HDAC4: variants seen among roughly 807,000 people sequenced by gnomAD.
HDAC4 encodes the protein histone deacetylase 4, also known as histone deacetylase A.
In HDAC4, 16 loss-of-function variants were observed where a neutral mutation model predicts 135.1. The observed-to-expected ratio is 0.12, with a 90% CI of 0.08 to 0.18. The LOEUF is 0.18. Ranked by LOEUF, HDAC4 falls within the 10% of genes least tolerant of loss-of-function variation. The pLI, the probability that HDAC4 is intolerant of heterozygous loss-of-function variation, is 1.00. For synonymous variants in HDAC4, 685 were observed against 653.4 expected (o/e 1.05, Z -0.74); for missense variants, 1,143 against 1,511.8 (o/e 0.76, Z 4.05).
rs183131751 is a variant in HDAC4, at chr2:239,397,308, G to A, written c.-220+3670C>T. On this transcript the variant is annotated intron_variant, in intron 1 of 26. Coordinates refer to ENST00000543185, the MANE Select transcript of HDAC4 (RefSeq NM_001378414.1). The stretch of plus-strand genomic sequence containing the variant: ...GTTCCTCCAGAGGTAGAGCCCACCT[G>A]CAGGACTGTGCTGACACCTACATGG... Among the ~76,000 whole-genome samples the A allele has an allele frequency of 3.3e-5, 5 of 152,288 alleles. No homozygotes were observed. The East Asian group carries it at 9.7e-4, about 29-fold the overall frequency.
chr2:239,210,333 C>CA (rs776362845), intron 3 of HDAC4, among the ~76,000 whole-genome samples: 51 of 151,776 alleles, frequency 3.4e-4, no homozygotes, highest in African/African-American at 1.1e-3. Flanking sequence ...AAAACAAAAA[C>CA]AAAAATAAAC....
chr2:239,252,987 C>A (rs1426252254), intron 2 of HDAC4, among the ~76,000 whole-genome samples: 1 of 152,236 alleles, frequency 6.6e-6, no homozygotes, highest in Admixed American at 6.5e-5. Context: ...GCCCGCACTG[C>A]ACACTTCCTA....
chr2:239,262,919 G>C lies in HDAC4; in HGVS notation c.23-26255C>G, dbSNP rs867911176. Among the ~76,000 whole-genome samples the C allele has an allele frequency of 1.1e-4, 16 of 152,228 alleles. No homozygotes were observed. In the Middle Eastern group the frequency reaches 0.014, roughly 129 times the overall value. The stretch of plus-strand genomic sequence containing the variant: ...CTCACTGGAAGGTCACGGCACCACT[G>C]AGACAGCCTGGAAGCTTCTGTGCTT... On this transcript the variant is annotated intron_variant, in intron 2 of 26. Transcript: ENST00000543185. This position sits in a 1 kb window ranked among gnomAD's most constrained non-coding sequence, Gnocchi z 4.1.
intron 3 of HDAC4, chr2:239,190,885 G>C (rs1235180520): frequency 1.6e-5 from 7 of 444,424 alleles, no homozygotes; most frequent in South Asian, 3.2e-5. Context: ...AGAAGGGTAG[G>C]TTTAAATTAC....
chr2:239,132,056 C>T (rs1212317416), intron 11 of HDAC4, among the ~76,000 whole-genome samples: 31 of 152,082 alleles, frequency 2.0e-4, no homozygotes, highest in Non-Finnish European at 5.9e-5. Flanking sequence ...GGGGAGGGCC[C>T]CTGAGACACT....
At chr2:239,276,068 G>A (rs2050342749) in intron 2 of HDAC4, among the ~76,000 whole-genome samples, 1 of 152,178 alleles carries the variant, frequency 6.6e-6, no homozygotes, top group Non-Finnish European at 1.5e-5. Flanking sequence ...CTGGGGCCAG[G>A]CAAAGAACCA....
intron 16 of HDAC4, among the ~76,000 whole-genome samples, chr2:239,098,353 TC>T (rs2037307026): frequency 6.6e-6 from 1 of 152,230 alleles, no homozygotes; most frequent in Admixed American, 6.5e-5. Flanking sequence ...AGACAGGCGT[TC>T]TGTGCCTGGG....
intron 24 of HDAC4, among the ~76,000 whole-genome samples, chr2:239,064,730 TG>T (rs1238047836): frequency 1.3e-5 from 2 of 152,138 alleles, no homozygotes; most frequent in Non-Finnish European, 2.9e-5. Context: ...CTGTGACCAG[TG>T]GGGTTCCTCT....
At chr2:239,381,084 C>T (rs117136455) in intron 1 of HDAC4, among the ~76,000 whole-genome samples, 2 of 152,170 alleles carry the variant, frequency 1.3e-5, no homozygotes, top group South Asian at 4.1e-4. Context: ...GAGCTGTCAC[C>T]TGAACACGTG....
chr2:239,385,919 C>T (rs996609018), intron 1 of HDAC4, among the ~76,000 whole-genome samples: 11 of 152,162 alleles, frequency 7.2e-5, no homozygotes, highest in Non-Finnish European at 1.5e-4. Flanking sequence ...AAACAAGCCC[C>T]GGAGGCAAGG....
intron 2 of HDAC4, among the ~76,000 whole-genome samples, chr2:239,326,486 C>T (rs185450383): frequency 5.3e-5 from 8 of 152,194 alleles, no homozygotes; most frequent in East Asian, 1.9e-4. Context: ...CTGAACTGTG[C>T]GCTTCAAAAT....
chr2:239,141,098 T>C lies in HDAC4; in HGVS notation c.866-1302A>G, dbSNP rs779651568. ...TTTCCCAGAAGAGGAGATGGAGGCA[T>C]GGAGCAGCAACATCACTCGTCCCAG... On this transcript the variant is annotated intron_variant, in intron 8 of 26. Coordinates refer to ENST00000543185, the MANE Select transcript of HDAC4 (RefSeq NM_001378414.1). This position sits in a 1 kb window ranked among gnomAD's most constrained non-coding sequence, Gnocchi z 4.9. 7.1e-6 allele frequency: 2 copies of C among 280,432 alleles called. No homozygotes were observed. Among genetic ancestry groups the C allele is most frequent in the South Asian group, 6.0e-5 (2 of 33,114 alleles). 17.4% of individuals were successfully genotyped at this position (280,432 alleles called of 1,614,324 possible).
intron 12 of HDAC4, among the ~76,000 whole-genome samples, chr2:239,121,839 T>TTCTCTC (rs149473881): frequency 6.6e-6 from 1 of 151,740 alleles, no homozygotes; most frequent in African/African-American, 2.4e-5. Flanking sequence ...CAAAGCCTGC[T>TTCTCTC]TCTCTCTCTC....
intron 2 of HDAC4, among the ~76,000 whole-genome samples, chr2:239,247,265 C>A (rs1301499935): frequency 6.6e-6 from 1 of 152,216 alleles, no homozygotes; most frequent in Admixed American, 6.5e-5. Flanking sequence ...TAAACTAACA[C>A]CTTTTCACTC....
intron 2 of HDAC4, among the ~76,000 whole-genome samples, chr2:239,288,728 A>G (rs1230627310): frequency 1.3e-5 from 2 of 152,222 alleles, no homozygotes; most frequent in African/African-American, 4.8e-5. Flanking sequence ...AGAATAAAGA[A>G]TAAATCTAAC....
Position 239,313,743 on chromosome 2 carries a change from C to T in HDAC4, c.22+38935G>A, listed in dbSNP as rs182934057. On this transcript the variant is annotated intron_variant, in intron 2 of 26. Coordinates refer to ENST00000543185, the MANE Select transcript of HDAC4 (RefSeq NM_001378414.1). The surrounding 1 kb of genome is among the most constrained non-coding windows in gnomAD (Gnocchi z 5.1). ...CCTTCACGCCTGGCAATATGGCACA[C>T]GCACTTTTAGAGACGTCTAATTATA... 1.8e-3 allele frequency among the ~76,000 whole-genome samples: 271 copies of T among 152,274 alleles called. 3 individuals carry two copies. The highest frequency in any genetic ancestry group is 3.4e-3 in the Middle Eastern group (1 of 294).
At chr2:239,087,525 TC>T (rs773654579) in intron 19 of HDAC4, 33 bp downstream of exon 19, 1 of 1,604,778 alleles carries the variant, frequency 6.2e-7, no homozygotes, top group Non-Finnish European at 8.5e-7. Flanking sequence ...AGACCTGGGT[TC>T]CCCTGCTGTG....
chr2:239,099,585 C>T (rs552623891), intron 16 of HDAC4, among the ~76,000 whole-genome samples: 69 of 152,314 alleles, frequency 4.5e-4, no homozygotes, highest in Non-Finnish European at 7.6e-4. Context: ...CTCAGTGCCT[C>T]GATGCATGGC....
Position 239,147,843 on chromosome 2 carries a change from G to A in HDAC4, c.734-3129C>T, listed in dbSNP as rs1365810381. Among the ~76,000 whole-genome samples the A allele has an allele frequency of 3.3e-5, 5 of 152,230 alleles. No individual in the cohort carries two copies. The East Asian group carries it at 9.6e-4, about 29-fold the overall frequency. On this transcript the variant is annotated intron_variant, in intron 7 of 26. Transcript: ENST00000543185. The stretch of plus-strand genomic sequence containing the variant: ...TCCAATCACAACCTTAAAATTCAAC[G>A]CAGTGCCCAATGCCTAGCAGGTGCC...
Sources: gnomAD v4.1 joint callset for allele counts (sites outside exome capture counted in the v4.1 genomes callset) on GRCh38, gnomAD v4.1.1 for gene constraint, Gnocchi (gnomAD v3.1) non-coding constraint, MANE v1.5 for transcripts, NCBI Gene and HGNC (gene_info 2026-07-23, HGNC 2026-07-21) for gene names.